NPFFR1: variants seen among roughly 807,000 people sequenced by gnomAD.
NPFFR1 encodes the protein G-protein coupled receptor 147.
NPFFR1 carries 17 observed loss-of-function variants against 12.7 expected under a neutral mutation model. The observed-to-expected ratio is 1.34, with a 90% confidence interval of 0.92 to 2.01. The LOEUF is 2.01. Ranked by LOEUF, NPFFR1 falls within the 30% of genes most tolerant of loss-of-function variation. The pLI is 0.00. For missense variants in NPFFR1, 604 were observed against 606.5 expected (o/e 1.00, Z 0.04); for synonymous variants, 296 against 264.5 (o/e 1.12, Z -1.16).
In NPFFR1 at chr10:70,255,567, G is replaced by A; in HGVS notation, c.683C>T (p.Pro228Leu). Residue 228 changes from proline (P) to leucine (L), a missense_variant, in exon 4 of 4, where the codon CCG becomes CTG. By Grantham distance (98) the Pro-to-Leu change is moderately conservative. Coordinates refer to ENST00000277942, the MANE Select transcript of NPFFR1 (RefSeq NM_022146.5). The surrounding 1 kb of genome is among the most constrained non-coding windows in gnomAD (Gnocchi z 4.2). ...GTACATGACCACGATGAGCGCCAGC[G>A]GCGCCAGGTAGATGTGCGAGAAGAG... ...TVLFSHIYLAPLALIVVMYAR... is the reference protein window; with the variant it reads ...TVLFSHIYLALLALIVVMYAR... The A allele has an allele frequency of 6.4e-7, 1 of 1,551,176 alleles. No homozygotes were observed. The highest frequency in any genetic ancestry group is 8.7e-7 in the Non-Finnish European group (1 of 1,147,172).
At chr10:70,268,672 G>A (rs1174120352) in intron 1 of NPFFR1, among the ~76,000 whole-genome samples, 1 of 152,172 alleles carries the variant, frequency 6.6e-6, no homozygotes. Flanking sequence ...CCTCCAGGAA[G>A]CTAGTGTGGG....
intron 1 of NPFFR1, among the ~76,000 whole-genome samples, chr10:70,282,868 T>C (rs1840876694): frequency 6.6e-6 from 1 of 152,190 alleles, no homozygotes; most frequent in Non-Finnish European, 1.5e-5. Context: ...AGCAGCCTTA[T>C]GCCTTGGTCC....
At chr10:70,261,384 T>C (rs957442906) in intron 2 of NPFFR1, among the ~76,000 whole-genome samples, 2 of 152,212 alleles carry the variant, frequency 1.3e-5, no homozygotes, top group African/African-American at 4.8e-5. Context: ...CTCTTTCCTC[T>C]ATAAATTACC....
At position 70,248,501 on chromosome 10, in the gene NPFFR1, T is replaced by TTTTTTTTC. The variant is rs1177240387; in HGVS notation, c.*6455_*6456insGAAAAAAA. Reference sequence around the variant, plus strand: ...TTGTTTTTTGTTTTTTTTTTTTTTTTTTGAGATGGAGTCTCACTCTGTTGC... The same window carrying TTTTTTTTC: ...TTGTTTTTTGTTTTTTTTTTTTTTTTTTTTTTTCTTGAGATGGAGTCTCACTCTGTTGC... On this transcript the variant is annotated 3_prime_UTR_variant, in exon 4 of 4. Transcript: ENST00000277942. 7.4e-6 allele frequency: 1 copy of TTTTTTTTC among 135,714 alleles called. No homozygotes were observed. Among genetic ancestry groups the TTTTTTTTC allele is most frequent in the Non-Finnish European group, 1.6e-5 (1 of 62,922 alleles). The allele number at this position is 135,714 out of a possible 1,614,324, so 8.4% of individuals were successfully genotyped here. A position where few individuals can be genotyped will look rare whatever the true frequency, so the allele number is the denominator to read the frequency against.
At position 70,248,466 on chromosome 10, in the gene NPFFR1, C is replaced by CTTTT. The variant is rs1840472501; in HGVS notation, c.*6490_*6491insAAAA. 1 of 49,458 alleles carries CTTTT rather than the reference C, an allele frequency of 2.0e-5. No individual in the cohort carries two copies. The highest frequency in any genetic ancestry group is 5.6e-5 in the African/African-American group (1 of 17,964). 3.1% of individuals were successfully genotyped at this position (49,458 alleles called of 1,614,324 possible). On this transcript the variant is annotated 3_prime_UTR_variant, in exon 4 of 4. Coordinates refer to ENST00000277942, the MANE Select transcript of NPFFR1 (RefSeq NM_022146.5). ...ACAAAGTACGTAGTACTATGCCTGG[C>CTTTT]GTTTTTTTTTTGTTTTTTGTTTTTT...
chr10:70,276,559 C>A (rs144370851), intron 1 of NPFFR1, among the ~76,000 whole-genome samples: 5 of 149,966 alleles, frequency 3.3e-5, no homozygotes, highest in Non-Finnish European at 7.4e-5. Flanking sequence ...CATGAGAGAC[C>A]GAATTTAATT....
chr10:70,257,539 C>A (rs564917313), intron 3 of NPFFR1, among the ~76,000 whole-genome samples: 376 of 152,352 alleles, frequency 2.5e-3, no homozygotes, highest in Middle Eastern at 3.4e-3. Flanking sequence ...GACCTCTGCC[C>A]TTGAAAGCAG....
Position 70,249,735 on chromosome 10 carries a change from G to T in NPFFR1, c.*5222C>A, listed in dbSNP as rs543237341. On this transcript the variant is annotated 3_prime_UTR_variant, in exon 4 of 4. Transcript: ENST00000277942. Reference sequence around the variant, plus strand: ...TGACCTCAGGTGATCTGCCCACCTTGGCCTCCCAAAGTGCTGGGATTACAG... The same window carrying T: ...TGACCTCAGGTGATCTGCCCACCTTTGCCTCCCAAAGTGCTGGGATTACAG... 8.6e-5 allele frequency: 13 copies of T among 150,656 alleles called. No homozygotes were observed. The highest frequency in any genetic ancestry group is 2.4e-4 in the African/African-American group (10 of 41,008). 9.3% of individuals were successfully genotyped at this position (150,656 alleles called of 1,614,324 possible).
Position 70,248,107 on chromosome 10 carries a change from T to C in NPFFR1, c.*6850A>G, listed in dbSNP as rs1238838324. 1 of 152,134 alleles carries C rather than the reference T, an allele frequency of 6.6e-6. No homozygotes were observed. Among genetic ancestry groups the C allele is most frequent in the Non-Finnish European group, 1.5e-5 (1 of 68,028 alleles). The allele number at this position is 152,134 out of a possible 1,614,324, so 9.4% of individuals were successfully genotyped here. ...TTACTCTGAACCTCAGTTTCCCAGA[T>C]GTAGGAAGGAGAGACCACAGCAGCT... On this transcript the variant is annotated 3_prime_UTR_variant, in exon 4 of 4. Transcript: ENST00000277942.
intron 1 of NPFFR1, among the ~76,000 whole-genome samples, chr10:70,278,655 C>G (rs74139296): frequency 6.6e-6 from 1 of 152,176 alleles, no homozygotes; most frequent in African/African-American, 2.4e-5. Flanking sequence ...ATCCCTCCTA[C>G]GTCTCTCAAT....
chr10:70,254,862 G>T lies in NPFFR1; in HGVS notation c.*95C>A. The T allele has an allele frequency of 7.8e-7, 1 of 1,280,894 alleles. No individual in the cohort carries two copies. Among genetic ancestry groups the T allele is most frequent in the Non-Finnish European group, 1.0e-6 (1 of 1,002,056 alleles). The allele number at this position is 1,280,894 out of a possible 1,614,324, so 79.3% of individuals were successfully genotyped here. On this transcript the variant is annotated 3_prime_UTR_variant, in exon 4 of 4. Coordinates refer to ENST00000277942, the MANE Select transcript of NPFFR1 (RefSeq NM_022146.5). ...CTGGCTCTGGAGAGGGAGGGACCACGCATCCTCACCTAACCACACCAGGCC... is the reference window on the plus strand; with the variant it reads ...CTGGCTCTGGAGAGGGAGGGACCACTCATCCTCACCTAACCACACCAGGCC...
intron 3 of NPFFR1, among the ~76,000 whole-genome samples, chr10:70,256,207 T>C (rs1840571591): frequency 2.0e-5 from 3 of 151,834 alleles, no homozygotes. Flanking sequence ...GCCTCCTGAG[T>C]AGCTGGAACC....
Position 70,255,378 on chromosome 10 carries a change from A to G in NPFFR1, c.872T>C (p.Leu291Pro). 1.3e-6 allele frequency: 2 copies of G among 1,551,302 alleles called. No individual in the cohort carries two copies. The highest frequency in any genetic ancestry group is 2.4e-5 in the East Asian group (1 of 41,390). Residue 291 changes from leucine (L) to proline (P), a missense_variant, in exon 4 of 4, where the codon CTG (leucine) becomes CCG (proline). Physicochemically the swap from Leu to Pro is moderately conservative, Grantham distance 98. Coordinates refer to ENST00000277942, the MANE Select transcript of NPFFR1 (RefSeq NM_022146.5). The surrounding 1 kb of genome is among the most constrained non-coding windows in gnomAD (Gnocchi z 4.2). Reference protein sequence around the residue: ...LSWLPLWALLLLIDYGQLSAP... With the variant: ...LSWLPLWALLPLIDYGQLSAP... ...GCTGAGCTGCCCGTAGTCGATGAGC[A>G]GCAGCAGCGCCCAGAGCGGCAGCCA... is the stretch of plus-strand genomic sequence containing the variant.
chr10:70,265,923 A>T (rs1840684387), intron 2 of NPFFR1, among the ~76,000 whole-genome samples, 154 bp downstream of exon 2: 1 of 152,274 alleles, frequency 6.6e-6, no homozygotes, highest in Non-Finnish European at 1.5e-5. Flanking sequence ...CTAACTCTTC[A>T]GCCCCAAGAC....
At chr10:70,271,306 G>A (rs1840741015) in intron 1 of NPFFR1, among the ~76,000 whole-genome samples, 1 of 151,886 alleles carries the variant, frequency 6.6e-6, no homozygotes, top group Non-Finnish European at 1.5e-5. Context: ...TGAGCTCAGG[G>A]GTTTGAGACC....
intron 2 of NPFFR1, among the ~76,000 whole-genome samples, chr10:70,264,108 T>C (rs1840662979): frequency 1.3e-5 from 2 of 151,984 alleles, no homozygotes; most frequent in South Asian, 4.2e-4. Flanking sequence ...GTGTGGTGGT[T>C]CATGCCTGTA....
In NPFFR1 at chr10:70,248,420, T is replaced by C. The variant is rs1167369902; in HGVS notation, c.*6537A>G. The stretch of plus-strand genomic sequence containing the variant: ...TGTCCTCATGGAGCTTATGGTCCAC[T>C]GTGAGAAATAAATAACAGACACAAA... On this transcript the variant is annotated 3_prime_UTR_variant, in exon 4 of 4. Coordinates refer to ENST00000277942, the MANE Select transcript of NPFFR1 (RefSeq NM_022146.5). The C allele has an allele frequency of 6.6e-6, 1 of 150,386 alleles. No individual in the cohort carries two copies. Among genetic ancestry groups the C allele is most frequent in the African/African-American group, 2.5e-5 (1 of 40,698 alleles). 9.3% of individuals were successfully genotyped at this position (150,386 alleles called of 1,614,324 possible). A position where few individuals can be genotyped will look rare whatever the true frequency, so the allele number is the denominator to read the frequency against.
In NPFFR1 at chr10:70,247,541, C is replaced by T. The variant is rs1840462341; in HGVS notation, c.*7416G>A. 2.0e-5 allele frequency: 3 copies of T among 152,194 alleles called. No homozygotes were observed. The allele number at this position is 152,194 out of a possible 1,614,324, so 9.4% of individuals were successfully genotyped here. ...AACACAGAAATGTAGATCGCTCAGT[C>T]ACTGAAACGGATTGACTTGGCTGTT... On this transcript the variant is annotated 3_prime_UTR_variant, in exon 4 of 4. Transcript: ENST00000277942.
At chr10:70,273,843 T>C (rs1840774618) in intron 1 of NPFFR1, among the ~76,000 whole-genome samples, 1 of 152,152 alleles carries the variant, frequency 6.6e-6, no homozygotes. Context: ...AGTGTCTTGG[T>C]GAATACAAGG....
Sources: allele counts gnomAD v4.1 joint callset (sites outside exome capture counted in the v4.1 genomes callset), GRCh38; gene constraint gnomAD v4.1.1; non-coding constraint Gnocchi (gnomAD v3.1); transcripts MANE v1.5; gene names NCBI Gene and HGNC (gene_info 2026-07-23, HGNC 2026-07-21).